C12orf56: variants seen among roughly 807,000 people sequenced by gnomAD.
C12orf56 encodes chromosome 12 open reading frame 56.
C12orf56 carries 71 observed loss-of-function variants against 69.9 expected under a neutral mutation model. The observed-to-expected ratio is 1.02, with a 90% confidence interval of 0.84 to 1.24. C12orf56 has a LOEUF of 1.24. C12orf56 is among the 50% of genes most tolerant of loss of function. The pLI is 0.00. For synonymous variants in C12orf56, 276 were observed against 274.1 expected, an observed-to-expected ratio of 1.01 and a Z score of -0.07; for missense variants, 732 against 738.5, an observed-to-expected ratio of 0.99 and a Z score of 0.10.
At chr12:64,365,901 CATTATGTATAGTGTATATATTATAT>C (rs755218121) in intron 1 of C12orf56, among the ~76,000 whole-genome samples, 33 of 130,550 alleles carry the variant, frequency 2.5e-4, no homozygotes, top group African/African-American at 7.3e-4. Flanking sequence ...ATATATTATA[CATTATGTATAGTGTATATATTATAT>C]ATTATGTATA....
intron 1 of C12orf56, among the ~76,000 whole-genome samples, chr12:64,382,089 C>T (rs1434609464): frequency 6.6e-6 from 1 of 151,726 alleles, no homozygotes; most frequent in Non-Finnish European, 1.5e-5. Flanking sequence ...TGGTGAAACC[C>T]CATCTCTACT....
intron 6 of C12orf56, among the ~76,000 whole-genome samples, chr12:64,292,834 A>C (rs2038308525): frequency 1.6e-5 from 2 of 125,536 alleles, no homozygotes; most frequent in African/African-American, 2.9e-5. Flanking sequence ...CCAGAGGTGG[A>C]GCCTACAGAG....
At chr12:64,304,596 CT>C (rs1273476542) in intron 5 of C12orf56, among the ~76,000 whole-genome samples, 5 of 152,136 alleles carry the variant, frequency 3.3e-5, no homozygotes, top group Non-Finnish European at 7.4e-5. Flanking sequence ...ACTCGTGTAC[CT>C]ATCCTATCCC....
At chr12:64,269,180 T>TG (rs887912004) in intron 12 of C12orf56, among the ~76,000 whole-genome samples, 7 of 150,912 alleles carry the variant, frequency 4.6e-5, no homozygotes, top group South Asian at 4.2e-4. Context: ...AGTTTTTTTT[T>TG]AAAAAAAGAC....
At chr12:64,282,797 A>T (rs2038148394) in intron 8 of C12orf56, among the ~76,000 whole-genome samples, 1 of 151,678 alleles carries the variant, frequency 6.6e-6, no homozygotes, top group South Asian at 2.1e-4. Context: ...AAAAAAGCAT[A>T]GTATGCCCAT....
chr12:64,350,701 A>G (rs903916387), intron 2 of C12orf56, among the ~76,000 whole-genome samples: 1 of 152,240 alleles, frequency 6.6e-6, no homozygotes, highest in African/African-American at 2.4e-5. Flanking sequence ...ATTTGAGAGT[A>G]AAAGCCCCTG....
rs543793913 is a variant in C12orf56, at chr12:64,321,652, A to G, written c.489-2672T>C. Among the ~76,000 whole-genome samples the G allele has an allele frequency of 1.3e-3, 192 of 152,030 alleles. 1 individual carries two copies. The highest frequency in any genetic ancestry group is 4.3e-3 in the African/African-American group (180 of 41,478). On this transcript the variant is annotated intron_variant, in intron 3 of 12. Transcript: ENST00000543942. ...CCCTGCCCCAGCCTACAATTTCTTA[A>G]GTGGAATGTTTAACTCATTTATTTT...
intron 11 of C12orf56, among the ~76,000 whole-genome samples, chr12:64,270,948 A>C (rs1220920669): frequency 2.6e-5 from 4 of 152,160 alleles, no homozygotes; most frequent in Non-Finnish European, 5.9e-5. Flanking sequence ...CAGGTGGATC[A>C]CGAGGTCAGG....
intron 8 of C12orf56, among the ~76,000 whole-genome samples, chr12:64,281,950 A>C (rs1315969296): frequency 6.6e-6 from 1 of 152,214 alleles, no homozygotes; most frequent in Non-Finnish European, 1.5e-5. Context: ...GTGGAGAAAA[A>C]GGATAACCAG....
chr12:64,286,953 T>C (rs987466555), intron 6 of C12orf56, among the ~76,000 whole-genome samples: 1 of 151,718 alleles, frequency 6.6e-6, no homozygotes, highest in Non-Finnish European at 1.5e-5. Context: ...AAGGAAGGAC[T>C]TGGCCAGATG....
chr12:64,332,620 G>A (rs1193751479), intron 2 of C12orf56, among the ~76,000 whole-genome samples: 1 of 46,588 alleles, frequency 2.1e-5, no homozygotes, highest in East Asian at 4.4e-4. Context: ...TTATTTCAAG[G>A]GGGGGCTCTC....
In C12orf56 at chr12:64,390,523, T is replaced by C. The variant is rs1399421314; in HGVS notation, c.43A>G (p.Ser15Gly). 6.3e-7 allele frequency: 1 copy of C among 1,597,264 alleles called. No individual in the cohort carries two copies. Among genetic ancestry groups the C allele is most frequent in the South Asian group, 1.1e-5 (1 of 90,996 alleles). ...LPSGFPARRN[S>G]RLDVFLRRHL... ...CGCCGCAGGAACACATCCAGGCGGC[T>C]GTTCCTGCGCGCGGGGAAGCCGGAC... The change falls in exon 1 of 13, where the codon AGC becomes GGC. Residue 15 changes from serine to glycine, a missense_variant. By Grantham distance (56) the Ser-to-Gly change is moderately conservative (BLOSUM62 0). Coordinates refer to ENST00000543942, the MANE Select transcript of C12orf56 (RefSeq NM_001170633.2).
intron 5 of C12orf56, among the ~76,000 whole-genome samples, chr12:64,312,329 G>A (rs1481097493): frequency 3.3e-5 from 5 of 152,146 alleles, no homozygotes; most frequent in African/African-American, 9.7e-5. Context: ...AAAGAGGGCC[G>A]GGCACGGTGG....
At chr12:64,370,363 AAGAT>A (rs1413155496) in intron 1 of C12orf56, among the ~76,000 whole-genome samples, 1 of 151,384 alleles carries the variant, frequency 6.6e-6, no homozygotes, top group African/African-American at 2.4e-5. Context: ...CCCAAAAAAA[AAGAT>A]AGGCCGGTTG....
intron 1 of C12orf56, among the ~76,000 whole-genome samples, chr12:64,386,846 A>C (rs1208704699): frequency 2.2e-5 from 3 of 136,268 alleles, no homozygotes; most frequent in Non-Finnish European, 3.3e-5. Context: ...CACATCTTTA[A>C]AAGTGTAAGA....
At chr12:64,361,034 A>G (rs2039393336) in intron 1 of C12orf56, among the ~76,000 whole-genome samples, 1 of 152,118 alleles carries the variant, frequency 6.6e-6, no homozygotes, top group Non-Finnish European at 1.5e-5. Context: ...AGCCTGGCCA[A>G]TGTGGTGAAA....
At chr12:64,310,399 A>C (rs1364165740) in intron 5 of C12orf56, among the ~76,000 whole-genome samples, 2 of 152,304 alleles carry the variant, frequency 1.3e-5, no homozygotes, top group South Asian at 2.1e-4. Flanking sequence ...GTAATTTTCT[A>C]ATTCTATTAA....
intron 1 of C12orf56, among the ~76,000 whole-genome samples, chr12:64,357,687 A>C (rs1285982814): frequency 6.6e-6 from 1 of 152,160 alleles, no homozygotes; most frequent in Non-Finnish European, 1.5e-5. Flanking sequence ...ATTTGAGATC[A>C]GGAGTTCGAG....
chr12:64,380,399 CTCAT>C (rs1165973983), intron 1 of C12orf56, among the ~76,000 whole-genome samples: 2 of 152,100 alleles, frequency 1.3e-5, no homozygotes, highest in African/African-American at 4.8e-5. Flanking sequence ...AATTAATTAA[CTCAT>C]TCATTCTTCT....
Sources: allele counts gnomAD v4.1 joint callset (sites outside exome capture counted in the v4.1 genomes callset), GRCh38; gene constraint gnomAD v4.1.1; transcripts MANE v1.5; gene names NCBI Gene and HGNC (gene_info 2026-07-23, HGNC 2026-07-21).